Variants in ADAM7 observed in about 807,000 individuals in gnomAD.
The protein encoded by ADAM7 is disintegrin and metalloproteinase domain-containing protein 7.
ADAM7 carries 97 observed loss-of-function variants against 102.9 expected under a neutral mutation model. That is an observed-to-expected ratio of 0.94 (90% CI 0.80 to 1.12). The LOEUF (loss-of-function observed/expected upper bound fraction) is 1.12, where lower values mean the gene tolerates loss of function less well. Among genes scored for constraint, ADAM7 ranks in the 50% most tolerant of loss-of-function variants. The pLI is 0.00. For missense variants in ADAM7, 991 were observed against 908.7 expected (o/e 1.09, Z -1.16); for synonymous variants, 334 against 304.4 (o/e 1.10, Z -1.01).
In ADAM7 at chr8:24,463,880, A is replaced by G; in HGVS notation, c.234-2A>G. 1 of 1,612,540 alleles carries G rather than the reference A, an allele frequency of 6.2e-7. No individual in the cohort carries two copies. The highest frequency in any genetic ancestry group is 8.5e-7 in the Non-Finnish European group (1 of 1,178,956). ...TCACCACCTGTCTGCCCTCTTTTTC[A>G]GGGAGTTCCTAGGCTCAAATTACAG... is the stretch of plus-strand genomic sequence containing the variant. On this transcript the variant is annotated splice_acceptor_variant, in intron 3 of 21. Transcript: ENST00000175238. LOFTEE classifies it high-confidence loss of function.
At chr8:24,496,069 G>C (rs369560841) in intron 16 of ADAM7, among the ~76,000 whole-genome samples, 1 of 152,188 alleles carries the variant, frequency 6.6e-6, no homozygotes, top group African/African-American at 2.4e-5. Flanking sequence ...CAGGGTCCCC[G>C]TGCTGTGTGC....
chr8:24,468,006 C>T (rs951214164), intron 6 of ADAM7, among the ~76,000 whole-genome samples: 4 of 151,932 alleles, frequency 2.6e-5, no homozygotes, highest in Admixed American at 6.6e-5. Context: ...TGGAAGGTTG[C>T]GGTGAGCCAA....
rs985759123 is a variant in ADAM7 at position 24,501,551 on chromosome 8, T to A, written c.2183T>A (p.Ile728Asn). Residue 728 changes from isoleucine to asparagine, a missense_variant, in exon 20 of 22, where the codon ATC becomes AAC. Coordinates refer to ENST00000175238, the MANE Select transcript of ADAM7 (RefSeq NM_003817.4). ...GAGCAGCAGATAAGGACTGAGCCAA[T>A]CCTGCCAGAAATTCATTTCCTAAAT... Reference protein sequence around the residue: ...GDEQQIRTEPILPEIHFLNKP... With the variant: ...GDEQQIRTEPNLPEIHFLNKP... The A allele has an allele frequency of 5.6e-6, 9 of 1,602,226 alleles. No individual in the cohort carries two copies. The highest frequency in any genetic ancestry group is 1.4e-5 in the African/African-American group (1 of 74,070).
intron 6 of ADAM7, 172 bp downstream of exon 6, chr8:24,467,160 T>C: frequency 1.6e-6 from 1 of 630,822 alleles, no homozygotes; most frequent in Non-Finnish European, 2.7e-6. Context: ...AAAAAGTGTT[T>C]ATTTCATAGA....
rs1393149276 is a variant in ADAM7 at position 24,451,780 on chromosome 8, G to A, written c.233+4518G>A. On this transcript the variant is annotated intron_variant, in intron 3 of 21. Coordinates refer to ENST00000175238, the MANE Select transcript of ADAM7 (RefSeq NM_003817.4). ...TGGATCTTTCCTGCTTTCTCTTGTG[G>A]GCATTTAGTGCTATAAATTTCCCTC... 2.4e-4 allele frequency among the ~76,000 whole-genome samples: 36 copies of A among 149,708 alleles called. No individual in the cohort carries two copies. In the East Asian group the frequency reaches 6.8e-3, roughly 28 times the overall value.
intron 3 of ADAM7, among the ~76,000 whole-genome samples, 162 bp downstream of exon 3, chr8:24,447,424 C>G (rs1198197015): frequency 6.6e-6 from 1 of 152,142 alleles, no homozygotes; most frequent in Non-Finnish European, 1.5e-5. Flanking sequence ...CCAATCACAT[C>G]TCAAAAGCTT....
chr8:24,450,776 G>A (rs1222326462), intron 3 of ADAM7, among the ~76,000 whole-genome samples: 1 of 151,730 alleles, frequency 6.6e-6, no homozygotes, highest in Non-Finnish European at 1.5e-5. Context: ...GTATGATATT[G>A]GCTGTGGGTT....
At chr8:24,461,063 A>G (rs1038062683) in intron 3 of ADAM7, among the ~76,000 whole-genome samples, 1 of 151,786 alleles carries the variant, frequency 6.6e-6, no homozygotes, top group Non-Finnish European at 1.5e-5. Flanking sequence ...GGGTTCGCCA[A>G]TTTTCTGTAT....
intron 3 of ADAM7, among the ~76,000 whole-genome samples, chr8:24,462,311 C>T (rs1470085405): frequency 5.9e-5 from 9 of 152,054 alleles, no homozygotes; most frequent in East Asian, 3.9e-4. Flanking sequence ...GGATTCTCCC[C>T]GCTCTCTCAT....
chr8:24,467,127 G>T, intron 6 of ADAM7, 139 bp downstream of exon 6: 1 of 838,914 alleles, frequency 1.2e-6, no homozygotes, highest in Non-Finnish European at 1.8e-6. Flanking sequence ...ATTTGAAATT[G>T]GAAAATTTTT....
intron 1 of ADAM7, among the ~76,000 whole-genome samples, chr8:24,442,165 C>G (rs1443334595): frequency 6.6e-6 from 1 of 151,904 alleles, no homozygotes; most frequent in Non-Finnish European, 1.5e-5. Context: ...CAGAGCGAGA[C>G]TCTGTCTCAA....
intron 2 of ADAM7, among the ~76,000 whole-genome samples, chr8:24,445,659 A>G (rs993830037): frequency 1.3e-5 from 2 of 152,218 alleles, no homozygotes; most frequent in African/African-American, 4.8e-5. Context: ...ATCTACAAGA[A>G]GTAAAGTACT....
intron 3 of ADAM7, among the ~76,000 whole-genome samples, chr8:24,454,800 G>T (rs1217628357): frequency 6.6e-6 from 1 of 151,948 alleles, no homozygotes; most frequent in East Asian, 1.9e-4. Context: ...CATCTTGGCT[G>T]CCCTCCCCCT....
At chr8:24,465,653 A>T in intron 4 of ADAM7, 46 bp from the exon 5 acceptor site, 2 of 1,226,774 alleles carry the variant, frequency 1.6e-6, no homozygotes, top group Non-Finnish European at 2.2e-6. Context: ...TATCTATATA[A>T]AATCAATATT....
chr8:24,483,357 A>C (rs530539570), intron 9 of ADAM7, among the ~76,000 whole-genome samples: 2 of 152,344 alleles, frequency 1.3e-5, no homozygotes, highest in South Asian at 4.1e-4. Flanking sequence ...GCCATCTTTT[A>C]GAATCTCTTC....
chr8:24,443,242 C>T (rs527435206), intron 2 of ADAM7, among the ~76,000 whole-genome samples: 2 of 152,194 alleles, frequency 1.3e-5, no homozygotes, highest in South Asian at 2.1e-4. Context: ...AGGCACGTTG[C>T]CCAAACGTAC....
At position 24,482,262 on chromosome 8, in the gene ADAM7, G is replaced by T. The variant is rs779521824; in HGVS notation, c.826G>T (p.Glu276Ter). ...CTTATTGCGTTTTTCATTTTGGCAA[G>T]AAAAGATCCTTAAAACACGGAAGGA... ...TTLLRFSFWQ[E>*]KILKTRKDFD... The change falls in exon 9 of 22, where the codon GAA becomes TAA. Residue 276 changes from glutamate (E) to a stop codon, truncating the protein, a stop_gained. Coordinates refer to ENST00000175238, the MANE Select transcript of ADAM7 (RefSeq NM_003817.4). LOFTEE classifies it high-confidence loss of function. The T allele has an allele frequency of 2.5e-6, 4 of 1,611,032 alleles. No homozygotes were observed. The East Asian group carries it at 8.9e-5, about 36-fold the overall frequency.
chr8:24,496,225 G>A (rs1820547349), intron 16 of ADAM7, among the ~76,000 whole-genome samples: 2 of 152,252 alleles, frequency 1.3e-5, no homozygotes, highest in African/African-American at 2.4e-5. Context: ...GTGCACAGAA[G>A]TCAAGAATTG....
At chr8:24,459,275 A>C (rs1418778452) in intron 3 of ADAM7, among the ~76,000 whole-genome samples, 1 of 151,962 alleles carries the variant, frequency 6.6e-6, no homozygotes, top group Non-Finnish European at 1.5e-5. Context: ...ATTTCACTTA[A>C]GTTGCCCCCT....
Sources: allele counts gnomAD v4.1 joint callset (sites outside exome capture counted in the v4.1 genomes callset), GRCh38; gene constraint gnomAD v4.1.1; transcripts MANE v1.5; gene names NCBI Gene and HGNC (gene_info 2026-07-23, HGNC 2026-07-21).